PHF19: variants seen among roughly 807,000 people sequenced by gnomAD.
PHF19 encodes PHD finger protein 19.
Under a neutral mutation model 79.8 loss-of-function variants are expected in PHF19, and 21 were observed. That is an observed-to-expected ratio of 0.26 (90% confidence interval 0.19 to 0.38). The LOEUF (loss-of-function observed/expected upper bound fraction) is 0.38. Among genes scored for constraint, PHF19 ranks in the 10% least tolerant of loss-of-function variants. PHF19 has a pLI of 1.00. For missense variants in PHF19, 445 were observed against 744.2 expected (o/e 0.60, Z 4.68); for synonymous variants, 273 against 296.3 (o/e 0.92, Z 0.81).
rs1588111378 is a variant in PHF19, at chr9:120,869,602, G to A, written c.465+243C>T. 4.7e-6 allele frequency: 7 copies of A among 1,490,212 alleles called. No individual in the cohort carries two copies. The highest frequency in any genetic ancestry group is 6.3e-6 in the Non-Finnish European group (7 of 1,119,302). 92.3% of individuals were successfully genotyped at this position (1,490,212 alleles called of 1,614,324 possible). ...TTTACATGGATTTTCTTTTTTAATAGTAAAGCATCATTTATTGGTCCCGTT... is the reference window on the plus strand; with the variant it reads ...TTTACATGGATTTTCTTTTTTAATAATAAAGCATCATTTATTGGTCCCGTT... On this transcript the variant is annotated intron_variant, in intron 5 of 14. Coordinates refer to ENST00000373896, the MANE Select transcript of PHF19 (RefSeq NM_015651.3). The surrounding 1 kb of genome is among the most constrained non-coding windows in gnomAD (Gnocchi z 5.8).
upstream of PHF19, among the ~76,000 whole-genome samples, chr9:120,877,923 T>A (rs1333119221): frequency 6.6e-6 from 1 of 152,008 alleles, no homozygotes; most frequent in East Asian, 1.9e-4. Context: ...CAACAGAACA[T>A]GCATGTAAGG....
intron 9 of PHF19, among the ~76,000 whole-genome samples, chr9:120,864,810 A>G (rs571677296): frequency 8.1e-4 from 123 of 152,198 alleles, no homozygotes; most frequent in Non-Finnish European, 1.5e-3. Flanking sequence ...AGAAAAAGAT[A>G]TACATAGAAG....
At chr9:120,868,858 A>C in intron 6 of PHF19, 2 of 1,078,288 alleles carry the variant, frequency 1.9e-6, no homozygotes, top group Non-Finnish European at 2.2e-6. Flanking sequence ...CCGCCTCCCG[A>C]GGCCTCGCCC....
intron 1 of PHF19, among the ~76,000 whole-genome samples, chr9:120,886,030 T>C (rs974272632): frequency 2.6e-5 from 4 of 152,238 alleles, no homozygotes; most frequent in Admixed American, 2.6e-4. Flanking sequence ...TCGGCTTAAG[T>C]TGGGGCAATA....
chr9:120,877,604 A>C (rs114905982), upstream of PHF19, among the ~76,000 whole-genome samples: 508 of 152,290 alleles, frequency 3.3e-3, no homozygotes, highest in African/African-American at 0.011. Context: ...CTCTGCGCGC[A>C]GGCACCGGCG....
chr9:120,876,002 T>A (rs1020951874), intron 1 of PHF19: 3 of 152,742 alleles, frequency 2.0e-5, no homozygotes, highest in African/African-American at 7.2e-5. Context: ...GTTGTGACTA[T>A]CTGTTCACAG....
At position 120,860,313 on chromosome 9, in the gene PHF19, CCCA is replaced by C. The variant is rs1588089133; in HGVS notation, c.1305-131_1305-129del. 3.1e-6 allele frequency: 2 copies of C among 643,354 alleles called. No individual in the cohort carries two copies. The highest frequency in any genetic ancestry group is 3.4e-5 in the South Asian group (2 of 59,164). 39.9% of individuals were successfully genotyped at this position (643,354 alleles called of 1,614,324 possible). Reference sequence around the variant, plus strand: ...GGCCCGTCTTCCCACAGCTGAGCTTCCCACCACCACACCTGTCTGTTTCCTACC... The same window carrying C: ...GGCCCGTCTTCCCACAGCTGAGCTTCCCACCACACCTGTCTGTTTCCTACC... On this transcript the variant is annotated intron_variant, in intron 13 of 14. Transcript: ENST00000373896. This position sits in a 1 kb window ranked among gnomAD's most constrained non-coding sequence, Gnocchi z 4.1.
chr9:120,862,561 C>T lies in PHF19; in HGVS notation c.1130+27G>A. On this transcript the variant is annotated intron_variant, in intron 11 of 14. Coordinates refer to ENST00000373896, the MANE Select transcript of PHF19 (RefSeq NM_015651.3). The surrounding 1 kb of genome is among the most constrained non-coding windows in gnomAD (Gnocchi z 4.6). ...AGAGAAACCGAGTTTGGCGGCAGCC[C>T]TGGCCCCTGGGTCCCCGAGCACTGA... The T allele has an allele frequency of 6.2e-7, 1 of 1,606,980 alleles. No homozygotes were observed. Among genetic ancestry groups the T allele is most frequent in the Non-Finnish European group, 8.5e-7 (1 of 1,175,476 alleles).
chr9:120,877,383 C>G (rs1417873333), upstream of PHF19: 3 of 979,534 alleles, frequency 3.1e-6, no homozygotes, highest in East Asian at 2.3e-4. Context: ...GGGGCCGCGC[C>G]GGCCTCGCCA....
chr9:120,888,724 C>A (rs868079021), intron 1 of PHF19, among the ~76,000 whole-genome samples: 63 of 152,272 alleles, frequency 4.1e-4, no homozygotes, highest in African/African-American at 1.5e-3. Flanking sequence ...ACAGAATGAA[C>A]AAGAGGCTGG....
chr9:120,887,653 GACACAC>G (rs1010259077), intron 1 of PHF19, among the ~76,000 whole-genome samples: 1 of 31,700 alleles, frequency 3.2e-5, no homozygotes, highest in Non-Finnish European at 7.6e-5. Context: ...CACACACACA[GACACAC>G]ACACACACAC....
the PHF19 span, chr9:120,902,466 T>C: frequency 7.7e-6 from 1 of 129,774 alleles, no homozygotes; most frequent in Non-Finnish European, 1.6e-5. Context: ...CTGCTTTCAA[T>C]AGGCCCAGGG....
upstream of PHF19, among the ~76,000 whole-genome samples, chr9:120,881,078 G>C (rs2046173894): frequency 6.6e-6 from 1 of 151,474 alleles, no homozygotes; most frequent in Non-Finnish European, 1.5e-5. Flanking sequence ...AAAGACCCTA[G>C]ATTTAGAATA....
At chr9:120,897,656 A>G (rs897022858), upstream of PHF19, among the ~76,000 whole-genome samples, 2 of 152,176 alleles carry the variant, frequency 1.3e-5, no homozygotes, top group African/African-American at 2.4e-5. Context: ...TCATTTCAAC[A>G]TGTCATCAAT....
rs2045850494 is a variant in PHF19 at position 120,870,087 on chromosome 9, CCCA to C, written c.365-145_365-143del. On this transcript the variant is annotated intron_variant, in intron 4 of 14. Coordinates refer to ENST00000373896, the MANE Select transcript of PHF19 (RefSeq NM_015651.3). The surrounding 1 kb of genome is among the most constrained non-coding windows in gnomAD (Gnocchi z 4.4). ...GCTGCCGGGAGCCTGGCTGCTGGTGCCCACCAAGATGGCCAAGTCAGTGTCCAG... is the reference window on the plus strand; with the variant it reads ...GCTGCCGGGAGCCTGGCTGCTGGTGCCCAAGATGGCCAAGTCAGTGTCCAG... The C allele has an allele frequency of 1.6e-6, 2 of 1,257,090 alleles. No individual in the cohort carries two copies. Among genetic ancestry groups the C allele is most frequent in the Admixed American group, 4.6e-5 (2 of 43,142 alleles). 77.9% of individuals were successfully genotyped at this position (1,257,090 alleles called of 1,614,324 possible). A position where few individuals can be genotyped will look rare whatever the true frequency, so the allele number is the denominator to read the frequency against.
At chr9:120,888,349 C>T (rs1382798094) in intron 1 of PHF19, among the ~76,000 whole-genome samples, 1 of 152,164 alleles carries the variant, frequency 6.6e-6, no homozygotes, top group African/African-American at 2.4e-5. Context: ...GCAGGGAGAA[C>T]AAGCTTGGTG....
At chr9:120,885,276 C>T (rs543279329) in intron 1 of PHF19, among the ~76,000 whole-genome samples, 4 of 152,144 alleles carry the variant, frequency 2.6e-5, no homozygotes, top group South Asian at 2.1e-4. Flanking sequence ...GATGGGGAAA[C>T]GGATATCTAG....
At chr9:120,901,635 C>T in the PHF19 span, among the ~76,000 whole-genome samples, 4 of 152,204 alleles carry the variant, frequency 2.6e-5, no homozygotes, top group Non-Finnish European at 5.9e-5. Flanking sequence ...TTGCATGTAG[C>T]CCCTCGGACC....
At chr9:120,858,349 C>T (rs2045407385) in intron 14 of PHF19, 63 bp from the exon 15 acceptor site, 3 of 1,262,202 alleles carry the variant, frequency 2.4e-6, no homozygotes, top group Non-Finnish European at 2.1e-6. Flanking sequence ...GTAAATTCCT[C>T]TCCCTGAGTC....
Sources: gnomAD v4.1 joint callset for allele counts (sites outside exome capture counted in the v4.1 genomes callset) on GRCh38, gnomAD v4.1.1 for gene constraint, Gnocchi (gnomAD v3.1) non-coding constraint, MANE v1.5 for transcripts, NCBI Gene and HGNC (gene_info 2026-07-23, HGNC 2026-07-21) for gene names.